CIAO1: variants seen among roughly 807,000 people sequenced by gnomAD.
CIAO1 encodes cytosolic iron-sulfur assembly component 1, also known as probable cytosolic iron-sulfur protein assembly protein CIAO1.
A neutral mutation model predicts 43.1 loss-of-function variants in CIAO1; 32 were observed. That is an observed-to-expected ratio of 0.74 (90% CI 0.56 to 1.00). CIAO1 has a LOEUF of 1.00. Ranked by LOEUF, CIAO1 falls within the 50% of genes least tolerant of loss-of-function variation. CIAO1 has a pLI of 0.00. For synonymous variants in CIAO1, 183 were observed against 171.4 expected (o/e 1.07, Z -0.53); for missense variants, 415 against 437.4 (o/e 0.95, Z 0.46).
In CIAO1 at chr2:96,272,791, CAA is replaced by C. The variant is rs1455940674; in HGVS notation, c.*1441_*1442del. On this transcript the variant is annotated 3_prime_UTR_variant, in exon 7 of 7. Transcript: ENST00000488633. The stretch of plus-strand genomic sequence containing the variant: ...TACCATTGCACTCCAGCCCAGGCAA[CAA>C]GAGTGAAACCCTGTCTCAAAAAGAA... 2 of 152,056 alleles carry C rather than the reference CAA, an allele frequency of 1.3e-5. No individual in the cohort carries two copies. The highest frequency in any genetic ancestry group is 4.8e-5 in the African/African-American group (2 of 41,374). 9.4% of individuals were successfully genotyped at this position (152,056 alleles called of 1,614,324 possible).
In CIAO1 at chr2:96,271,209, C is replaced by A. The variant is rs1450432905; in HGVS notation, c.878C>A (p.Ser293Tyr). ...TCGGATCCACAGCAGCCCACCTTCT[C>A]CCTGACAGCCCACTTGCATCAGGCC... ...PNSDPQQPTFSLTAHLHQAHS... is the reference protein window; with the variant it reads ...PNSDPQQPTFYLTAHLHQAHS... The change falls in exon 7 of 7, where the codon TCC becomes TAC. Residue 293 changes from serine (S) to tyrosine (Y), a missense_variant. Coordinates refer to ENST00000488633, the MANE Select transcript of CIAO1 (RefSeq NM_004804.3). 6.2e-7 allele frequency: 1 copy of A among 1,614,268 alleles called. No individual in the cohort carries two copies. Among genetic ancestry groups the A allele is most frequent in the Non-Finnish European group, 8.5e-7 (1 of 1,180,042 alleles).
intron 6 of CIAO1, among the ~76,000 whole-genome samples, chr2:96,269,741 G>A (rs949689213): frequency 3.3e-5 from 5 of 152,088 alleles, no homozygotes; most frequent in Admixed American, 3.3e-4. Context: ...TCCGTCTCCC[G>A]GGTTCACACC....
chr2:96,272,359 C>G lies in CIAO1; in HGVS notation c.*1008C>G, dbSNP rs1014608363. Reference sequence around the variant, plus strand: ...GGGCTGTACCTAGAATAGTGGTTCTCGAAGAATGCGGCCTGCAGATCCTGG... The same window carrying G: ...GGGCTGTACCTAGAATAGTGGTTCTGGAAGAATGCGGCCTGCAGATCCTGG... On this transcript the variant is annotated 3_prime_UTR_variant, in exon 7 of 7. Coordinates refer to ENST00000488633, the MANE Select transcript of CIAO1 (RefSeq NM_004804.3). The G allele has an allele frequency of 2.0e-5, 3 of 152,184 alleles. No individual in the cohort carries two copies. Among genetic ancestry groups the G allele is most frequent in the African/African-American group, 7.2e-5 (3 of 41,432 alleles). The allele number at this position is 152,184 out of a possible 1,614,324, so 9.4% of individuals were successfully genotyped here.
chr2:96,266,772 G>A (rs1354040662), intron 1 of CIAO1, among the ~76,000 whole-genome samples: 1 of 152,220 alleles, frequency 6.6e-6, no homozygotes, highest in Admixed American at 6.5e-5. Context: ...CTTGCGACTG[G>A]ATGGTCACAT....
In CIAO1 at chr2:96,266,313, A is replaced by G; in HGVS notation, c.-38A>G. On this transcript the variant is annotated 5_prime_UTR_variant, in exon 1 of 7. Transcript: ENST00000488633. ...GTGAGACCCGCTGTCTGCTCAGCGG[A>G]CTCTGCCCGCCCCCACCTCCCCCTG... The G allele has an allele frequency of 1.5e-6, 2 of 1,361,446 alleles. No homozygotes were observed. The highest frequency in any genetic ancestry group is 1.9e-6 in the Non-Finnish European group (2 of 1,042,820). 84.3% of individuals were successfully genotyped at this position (1,361,446 alleles called of 1,614,324 possible).
In CIAO1 at chr2:96,268,623, G is replaced by A. The variant is rs1238754225; in HGVS notation, c.656G>A (p.Arg219His). Residue 219 changes from arginine to histidine, a missense_variant, in exon 5 of 7, where the codon CGT becomes CAT. By Grantham distance (29) the Arg-to-His change is conservative. Transcript: ENST00000488633. ...LASCSDDRTV[R>H]IWRQYLPGNE... ...TCTTGTAGTGATGACCGTACTGTGC[G>A]TATCTGGCGTCAGTATCTACCAGGC... The A allele has an allele frequency of 5.6e-6, 9 of 1,614,072 alleles. No homozygotes were observed. The highest frequency in any genetic ancestry group is 2.2e-5 in the East Asian group (1 of 44,896).
At position 96,267,430 on chromosome 2, in the gene CIAO1, T is replaced by G. The variant is rs752116418; in HGVS notation, c.249T>G (p.Ala83=). The change falls in exon 2 of 7, where the codon GCT becomes GCG. Residue 83 remains alanine (A), a synonymous_variant. Coordinates refer to ENST00000488633, the MANE Select transcript of CIAO1 (RefSeq NM_004804.3). ...GNYLASASFD[A]TTCIWKKNQD... is the part of the protein sequence containing the mutation. The stretch of plus-strand genomic sequence containing the variant: ...ACCTGGCCTCTGCCAGCTTTGATGC[T>G]ACCACTTGCATTTGGAAGAAGAACC... The G allele has an allele frequency of 5.6e-6, 9 of 1,614,088 alleles. No homozygotes were observed. In the South Asian group the frequency reaches 8.8e-5, roughly 16 times the overall value.
Position 96,271,146 on chromosome 2 carries a change from G to C in CIAO1, c.815G>C (p.Gly272Ala). Residue 272 changes from glycine (G) to alanine (A), a missense_variant, in exon 7 of 7, where the codon GGG (glycine) becomes GCG (alanine). By Grantham distance (60) the Gly-to-Ala change is moderately conservative (BLOSUM62 0). Coordinates refer to ENST00000488633, the MANE Select transcript of CIAO1 (RefSeq NM_004804.3). ...ACAGGGGCTCTGGCCACAGCTTGTG[G>C]GGATGACGCGATCCGCGTGTTTCAG... ...QLTGALATAC[G>A]DDAIRVFQED... 1.2e-6 allele frequency: 2 copies of C among 1,614,204 alleles called. No homozygotes were observed. The highest frequency in any genetic ancestry group is 1.7e-6 in the Non-Finnish European group (2 of 1,180,046).
rs1320532646 is a variant in CIAO1, at chr2:96,267,629, T to A, written c.293T>A (p.Val98Glu). The change falls in exon 3 of 7, where the codon GTA becomes GAA. Residue 98 changes from valine to glutamate, a missense_variant. Coordinates refer to ENST00000488633, the MANE Select transcript of CIAO1 (RefSeq NM_004804.3). The part of the protein sequence containing the change: ...WKKNQDDFEC[V>E]TTLEGHENEV... ...ATTTTCTTTCCCCTTTCACAGTGTG[T>A]AACCACTCTCGAGGGCCATGAAAAT... is the stretch of plus-strand genomic sequence containing the variant. 1.9e-6 allele frequency: 3 copies of A among 1,613,876 alleles called. No homozygotes were observed. In the Admixed American group the frequency reaches 5.0e-5, roughly 27 times the overall value.
chr2:96,269,442 G>C (rs1400667500), intron 6 of CIAO1, 87 bp downstream of exon 6: 2 of 1,281,134 alleles, frequency 1.6e-6, no homozygotes, highest in Non-Finnish European at 2.3e-6. Flanking sequence ...CTGCAACCCT[G>C]GGGGAGTGCT....
In CIAO1 at chr2:96,267,371, G is replaced by C. The variant is rs769444341; in HGVS notation, c.190G>C (p.Val64Leu). ...CCTTTCTGAAGGCCACCAGCGCACC[G>C]TGCGGAAGGTAGCCTGGTCCCCCTG... Reference protein sequence around the residue: ...SVLSEGHQRTVRKVAWSPCGN... With the variant: ...SVLSEGHQRTLRKVAWSPCGN... Residue 64 changes from valine (V) to leucine (L), a missense_variant, in exon 2 of 7, where the codon GTG becomes CTG. Val to Leu is a conservative substitution (Grantham distance 32). Transcript: ENST00000488633. The C allele has an allele frequency of 2.5e-6, 4 of 1,614,150 alleles. No individual in the cohort carries two copies. In the East Asian group the frequency reaches 8.9e-5, roughly 36 times the overall value.
In CIAO1 at chr2:96,271,835, TGAAG is replaced by T. The variant is rs765588969; in HGVS notation, c.*488_*491del. ...TGCATTTAAGACATCCAATCAATAA[TGAAG>T]GAAATTTTTTTCTGAATGTAGGTTT... On this transcript the variant is annotated 3_prime_UTR_variant, in exon 7 of 7. Transcript: ENST00000488633. 9.0e-5 allele frequency: 14 copies of T among 155,554 alleles called. No homozygotes were observed. The highest frequency in any genetic ancestry group is 3.4e-3 in the Middle Eastern group (1 of 298). The allele number at this position is 155,554 out of a possible 1,614,324, so 9.6% of individuals were successfully genotyped here. A position where few individuals can be genotyped will look rare whatever the true frequency, so the allele number is the denominator to read the frequency against.
At chr2:96,267,799 A>C in intron 3 of CIAO1, 37 bp from the exon 4 acceptor site, 2 of 1,612,538 alleles carry the variant, frequency 1.2e-6, no homozygotes, top group Non-Finnish European at 1.7e-6. Context: ...TGTCCCTGAC[A>C]GGGTCGGCTC....
rs1684429324 is a variant in CIAO1 at position 96,266,375 on chromosome 2, G to A, written c.25G>A (p.Gly9Ser). 1 of 1,503,202 alleles carries A rather than the reference G, an allele frequency of 6.7e-7. No individual in the cohort carries two copies. The highest frequency in any genetic ancestry group is 2.6e-5 in the East Asian group (1 of 37,744). 93.1% of individuals were successfully genotyped at this position (1,503,202 alleles called of 1,614,324 possible). Residue 9 changes from glycine to serine, a missense_variant, in exon 1 of 7, where the codon GGC becomes AGC. By Grantham distance (56) the Gly-to-Ser change is moderately conservative. Transcript: ENST00000488633. MKDSLVLL[G>S]RVPAHPDSRC... ...CATGAAGGACTCGCTGGTGCTGCTG[G>A]GCCGTGTCCCGGCGCACCCGGACTC... is the stretch of plus-strand genomic sequence containing the variant.
intron 6 of CIAO1, among the ~76,000 whole-genome samples, chr2:96,270,375 C>T (rs993493857): frequency 2.0e-5 from 3 of 152,032 alleles, no homozygotes; most frequent in Admixed American, 1.3e-4. Flanking sequence ...CGTGTTGGCA[C>T]GCACCCAATC....
chr2:96,267,973 T>C (rs1203902371), intron 4 of CIAO1, 49 bp downstream of exon 4: 1 of 1,460,038 alleles, frequency 6.8e-7, no homozygotes, highest in African/African-American at 1.4e-5. Context: ...GTGTGCAGGC[T>C]TGTGCCCAGC....
rs199846474 is a variant in CIAO1 at position 96,268,578 on chromosome 2, C to T, written c.611C>T (p.Pro204Leu). Residue 204 changes from proline to leucine, a missense_variant, in exon 5 of 7, where the codon CCG becomes CTG. Pro to Leu is a moderately conservative substitution (Grantham distance 98). Coordinates refer to ENST00000488633, the MANE Select transcript of CIAO1 (RefSeq NM_004804.3). ...ACTGTGTGGAGCTTGGCCTTTGACC[C>T]GAGTGGCCAGCGCCTGGCGTCTTGT... ...ESTVWSLAFD[P>L]SGQRLASCSD... 19 of 1,614,068 alleles carry T rather than the reference C, an allele frequency of 1.2e-5. No homozygotes were observed. The highest frequency in any genetic ancestry group is 2.2e-5 in the South Asian group (2 of 91,080).
Position 96,271,491 on chromosome 2 carries a change from A to C in CIAO1, c.*140A>C. 1 of 1,020,778 alleles carries C rather than the reference A, an allele frequency of 9.8e-7. No individual in the cohort carries two copies. The highest frequency in any genetic ancestry group is 1.4e-6 in the Non-Finnish European group (1 of 715,850). 63.2% of individuals were successfully genotyped at this position (1,020,778 alleles called of 1,614,324 possible). ...TCTCTTCAGACTTGGGTAGAAGTGC[A>C]GAGCCACAGAATTGCTTTCCTTCCC... On this transcript the variant is annotated 3_prime_UTR_variant, in exon 7 of 7. Coordinates refer to ENST00000488633, the MANE Select transcript of CIAO1 (RefSeq NM_004804.3).
Position 96,266,471 on chromosome 2 carries a change from C to G in CIAO1, c.121C>G (p.Arg41Gly). The change falls in exon 1 of 7, where the codon CGC (arginine) becomes GGC (glycine). Residue 41 changes from arginine (R) to glycine (G), a missense_variant. Transcript: ENST00000488633. ...CTCGTGCGGCGGCGACCGGAGAATC[C>G]GCATCTGGGGCACGGAGGGTAAGGC... ...LASCGGDRRI[R>G]IWGTEGDSWI... 6.5e-7 allele frequency: 1 copy of G among 1,545,994 alleles called. No homozygotes were observed. Among genetic ancestry groups the G allele is most frequent in the Non-Finnish European group, 8.8e-7 (1 of 1,139,302 alleles).
Sources: allele counts gnomAD v4.1 joint callset (sites outside exome capture counted in the v4.1 genomes callset), GRCh38; gene constraint gnomAD v4.1.1; transcripts MANE v1.5; gene names NCBI Gene and HGNC (gene_info 2026-07-23, HGNC 2026-07-21).